The following SHISAL1 variants were observed in gnomAD, a reference collection of about 807,000 sequenced individuals.
SHISAL1 encodes the protein protein shisa-like-1.
Under a neutral mutation model 22.6 loss-of-function variants are expected in SHISAL1, and 9 were observed. The ratio of observed to expected loss-of-function variants is 0.40; its 90% confidence interval spans 0.24 to 0.70. The LOEUF (loss-of-function observed/expected upper bound fraction) is 0.70. Among genes scored for constraint, SHISAL1 ranks in the 30% least tolerant of loss-of-function variants. The pLI is 0.39. For synonymous variants in SHISAL1, 119 were observed against 115.4 expected (o/e 1.03, Z -0.20); for missense variants, 246 against 270.6 (o/e 0.91, Z 0.64).
Position 44,245,669 on chromosome 22 carries a change from G to A in SHISAL1, c.*4016C>T, listed in dbSNP as rs375469946. The A allele has an allele frequency of 4.6e-5, 7 of 152,424 alleles. No homozygotes were observed. In the South Asian group the frequency reaches 1.5e-3, roughly 32 times the overall value. 9.4% of individuals were successfully genotyped at this position (152,424 alleles called of 1,614,324 possible). A position where few individuals can be genotyped will look rare whatever the true frequency, so the allele number is the denominator to read the frequency against. On this transcript the variant is annotated 3_prime_UTR_variant, in exon 5 of 5. Coordinates refer to ENST00000381176, the MANE Select transcript of SHISAL1 (RefSeq NM_001099294.2). ...AGCCAACCTGGACAGCGGCCTGTGG[G>A]GGAGTCAGTGCCAAGCACAGCCACA...
At chr22:44,269,633 CAT>C (rs1432036476) in intron 4 of SHISAL1, among the ~76,000 whole-genome samples, 3 of 149,720 alleles carry the variant, frequency 2.0e-5, no homozygotes, top group Non-Finnish European at 4.4e-5. Flanking sequence ...TATACACACA[CAT>C]GCCACAAACA....
chr22:44,260,932 C>G (rs1216698206), intron 4 of SHISAL1, among the ~76,000 whole-genome samples: 1 of 151,874 alleles, frequency 6.6e-6, no homozygotes, highest in Non-Finnish European at 1.5e-5. Flanking sequence ...GGATACATCT[C>G]TGTTTGGGGA....
In SHISAL1 at chr22:44,249,512, C is replaced by A. The variant is rs965585123; in HGVS notation, c.*173G>T. ...CCCAGCCCCTACCCCTGAGTTTGCTCCTAATCTTAGAAGTCCGCGGAAGGG... is the reference window on the plus strand; with the variant it reads ...CCCAGCCCCTACCCCTGAGTTTGCTACTAATCTTAGAAGTCCGCGGAAGGG... On this transcript the variant is annotated 3_prime_UTR_variant, in exon 5 of 5. Transcript: ENST00000381176. 28 of 539,244 alleles carry A rather than the reference C, an allele frequency of 5.2e-5. No homozygotes were observed. Among genetic ancestry groups the A allele is most frequent in the Non-Finnish European group, 9.0e-5 (26 of 290,290 alleles). The allele number at this position is 539,244 out of a possible 1,614,324, so 33.4% of individuals were successfully genotyped here. A position where few individuals can be genotyped will look rare whatever the true frequency, so the allele number is the denominator to read the frequency against.
chr22:44,320,866 G>C, the SHISAL1 span, among the ~76,000 whole-genome samples: 1 of 152,206 alleles, frequency 6.6e-6, no homozygotes, highest in Non-Finnish European at 1.5e-5. Flanking sequence ...CAGCACTGTG[G>C]GGCAGTGGAG....
chr22:44,257,758 T>C (rs1417660653), intron 4 of SHISAL1, among the ~76,000 whole-genome samples: 2 of 152,216 alleles, frequency 1.3e-5, no homozygotes, highest in East Asian at 1.9e-4. Context: ...TCTCTCTGCA[T>C]GCACTTCCCG....
At chr22:44,295,846 C>T (rs1371303211) in intron 3 of SHISAL1, among the ~76,000 whole-genome samples, 1 of 152,218 alleles carries the variant, frequency 6.6e-6, no homozygotes, top group Admixed American at 6.5e-5. Context: ...AACTCCATGA[C>T]TCTACTTAGC....
At chr22:44,321,528 A>G in the SHISAL1 span, among the ~76,000 whole-genome samples, 1 of 152,134 alleles carries the variant, frequency 6.6e-6, no homozygotes. Context: ...CCTGTGCATT[A>G]TCTTACACAG....
rs1301702595 is a variant in SHISAL1, at chr22:44,261,155, A to T, written c.*-11470T>A. On this transcript the variant is annotated intron_variant, in intron 4 of 4. Coordinates refer to ENST00000381176, the MANE Select transcript of SHISAL1 (RefSeq NM_001099294.2). Reference sequence around the variant, plus strand: ...ATATTTCAAAATCAATGACTTTTAAAAAAAAAAAATTCTACTTATAGCTTC... The same window carrying T: ...ATATTTCAAAATCAATGACTTTTAATAAAAAAAAATTCTACTTATAGCTTC... Among the ~76,000 whole-genome samples the T allele has an allele frequency of 1.5e-3, 220 of 143,144 alleles. 1 individual carries two copies. Among genetic ancestry groups the T allele is most frequent in the African/African-American group, 3.6e-3 (141 of 39,244 alleles). 93.9% of individuals were successfully genotyped at this position (143,144 alleles called of 152,430 possible).
intron 4 of SHISAL1, among the ~76,000 whole-genome samples, chr22:44,272,080 C>T (rs1442389805): frequency 6.6e-6 from 1 of 152,188 alleles, no homozygotes; most frequent in Non-Finnish European, 1.5e-5. Context: ...ATAGGAGCCA[C>T]CTCTGAGGAG....
At chr22:44,258,033 G>T (rs112199841) in intron 4 of SHISAL1, among the ~76,000 whole-genome samples, 9 of 152,188 alleles carry the variant, frequency 5.9e-5, no homozygotes, top group African/African-American at 2.2e-4. Context: ...ACAGCTACTC[G>T]GGAGGCTGAG....
intron 4 of SHISAL1, among the ~76,000 whole-genome samples, chr22:44,276,680 G>A (rs1029139095): frequency 4.6e-5 from 7 of 152,082 alleles, no homozygotes; most frequent in Admixed American, 2.0e-4. Context: ...TGGATGTGCC[G>A]GTCCCCCACG....
At chr22:44,284,469 C>G (rs2055297492) in intron 4 of SHISAL1, among the ~76,000 whole-genome samples, 2 of 152,264 alleles carry the variant, frequency 1.3e-5, no homozygotes, top group South Asian at 4.1e-4. Context: ...CACTGTGCGG[C>G]AAACTCCTGC....
intron 3 of SHISAL1, 21 bp downstream of exon 3, chr22:44,296,651 C>T: frequency 6.2e-7 from 1 of 1,608,872 alleles, no homozygotes; most frequent in Non-Finnish European, 8.5e-7. Flanking sequence ...AGTGGGGTTG[C>T]ACCCCCAGAG....
intron 4 of SHISAL1, among the ~76,000 whole-genome samples, chr22:44,257,595 ATCTAT>A (rs949777167): frequency 6.6e-6 from 1 of 152,240 alleles, no homozygotes; most frequent in Non-Finnish European, 1.5e-5. Flanking sequence ...AAAAAATAAA[ATCTAT>A]TCATTACCTA....
intron 4 of SHISAL1, among the ~76,000 whole-genome samples, chr22:44,275,265 G>C (rs1301678483): frequency 3.3e-5 from 5 of 152,282 alleles, no homozygotes; most frequent in African/African-American, 1.2e-4. Context: ...CTTCACAAAT[G>C]GTGCAGGGGA....
chr22:44,329,060 C>G, the SHISAL1 span, among the ~76,000 whole-genome samples: 1 of 152,236 alleles, frequency 6.6e-6, no homozygotes, highest in East Asian at 1.9e-4. Flanking sequence ...GCCTACCGCA[C>G]GTGCACTTCC....
chr22:44,302,521 C>T (rs950559593), intron 1 of SHISAL1, among the ~76,000 whole-genome samples: 8 of 152,176 alleles, frequency 5.3e-5, no homozygotes, highest in East Asian at 1.9e-4. Context: ...GTAAGGAGGG[C>T]CTCTCTGAGA....
At chr22:44,311,315 C>A (rs1245942477) in intron 1 of SHISAL1, among the ~76,000 whole-genome samples, 2 of 152,190 alleles carry the variant, frequency 1.3e-5, no homozygotes, top group East Asian at 3.9e-4. Context: ...GGCCTGGGTG[C>A]TGGAATTGGG....
chr22:44,297,124 C>T (rs1291035894), intron 2 of SHISAL1, among the ~76,000 whole-genome samples: 1 of 152,212 alleles, frequency 6.6e-6, no homozygotes, highest in Admixed American at 6.5e-5. Flanking sequence ...GGCTCTCCTG[C>T]TTCGGTGAAC....
Sources: allele counts gnomAD v4.1 joint callset (sites outside exome capture counted in the v4.1 genomes callset), GRCh38; gene constraint gnomAD v4.1.1; transcripts MANE v1.5; gene names NCBI Gene and HGNC (gene_info 2026-07-23, HGNC 2026-07-21).